The following TRPM3 variants were observed in gnomAD, a reference collection of about 807,000 sequenced individuals.
TRPM3 encodes transient receptor potential cation channel subfamily M member 3.
In TRPM3, 77 loss-of-function variants were observed where a neutral mutation model predicts 181.2. The ratio of observed to expected loss-of-function variants is 0.42; its 90% CI spans 0.35 to 0.51. TRPM3 has a LOEUF of 0.51. Among genes scored for constraint, TRPM3 ranks in the 20% least tolerant of loss-of-function variants. The pLI is 0.01. For synonymous variants in TRPM3, 745 were observed against 796.4 expected (o/e 0.94, Z 1.09); for missense variants, 1,759 against 2,196.7 (o/e 0.80, Z 3.98).
intron 8 of TRPM3, among the ~76,000 whole-genome samples, chr9:70,745,657 T>A (rs1330978714): frequency 6.6e-6 from 1 of 152,190 alleles, no homozygotes; most frequent in Non-Finnish European, 1.5e-5. Flanking sequence ...TGTAAAAAAG[T>A]CCCTTCCCAT....
At chr9:71,222,171 CTGAA>C (rs2080282433) in intron 1 of TRPM3, among the ~76,000 whole-genome samples, 1 of 152,162 alleles carries the variant, frequency 6.6e-6, no homozygotes, top group South Asian at 2.1e-4. Context: ...AAATGACTGA[CTGAA>C]TGAATGACTA....
In TRPM3 at chr9:71,041,208, T is replaced by C. The variant is rs143009318; in HGVS notation, c.177+79970A>G. On this transcript the variant is annotated intron_variant, in intron 1 of 25. Transcript: ENST00000677713. ...AGTACAGAAGGAAATTGGGTGTGCA[T>C]GTATGATGTATGTGTAGAGAGAGAG... Among the ~76,000 whole-genome samples the C allele has an allele frequency of 5.0e-3, 757 of 152,088 alleles. 19 individuals carry two copies. In the East Asian group the frequency reaches 0.078, roughly 16 times the overall value.
At chr9:70,820,935 C>A (rs62547570) in intron 6 of TRPM3, among the ~76,000 whole-genome samples, 4,380 of 152,192 alleles carry the variant, frequency 0.029, 89 homozygotes, top group Middle Eastern at 0.058. Context: ...TCTCTTTAAA[C>A]CCTTAAAAGA....
chr9:70,596,071 A>G (rs1486105092), intron 21 of TRPM3, among the ~76,000 whole-genome samples: 1 of 152,212 alleles, frequency 6.6e-6, no homozygotes, highest in Non-Finnish European at 1.5e-5. Flanking sequence ...CAATTTGAAC[A>G]TAATGATAAC....
intron 1 of TRPM3, among the ~76,000 whole-genome samples, chr9:71,234,112 A>G (rs1301032614): frequency 6.6e-6 from 1 of 152,214 alleles, no homozygotes; most frequent in Non-Finnish European, 1.5e-5. Flanking sequence ...GCAGAGGGAC[A>G]GTGCCTACTC....
At chr9:70,804,787 C>T (rs2090252755) in intron 6 of TRPM3, among the ~76,000 whole-genome samples, 2 of 152,140 alleles carry the variant, frequency 1.3e-5, no homozygotes, top group Admixed American at 1.3e-4. Context: ...TCTGCCTTCT[C>T]TTCTTTCTAT....
intron 19 of TRPM3, among the ~76,000 whole-genome samples, chr9:70,604,689 G>A (rs946752661): frequency 8.5e-5 from 13 of 152,174 alleles, no homozygotes; most frequent in Non-Finnish European, 4.4e-5. Flanking sequence ...CGTCACCCAG[G>A]CTGGAGTGCA....
chr9:71,201,246 G>A (rs907066568), intron 1 of TRPM3, among the ~76,000 whole-genome samples: 4 of 152,120 alleles, frequency 2.6e-5, no homozygotes, highest in African/African-American at 7.2e-5. Context: ...GACATCTGCT[G>A]TTAGTCTGAT....
At chr9:70,896,081 TAA>T (rs1649489310) in intron 1 of TRPM3, among the ~76,000 whole-genome samples, 1 of 152,182 alleles carries the variant, frequency 6.6e-6, no homozygotes, top group African/African-American at 2.4e-5. Flanking sequence ...CATTAGAGAT[TAA>T]GAGTACTTTT....
intron 1 of TRPM3, among the ~76,000 whole-genome samples, chr9:70,967,742 A>G (rs1267822045): frequency 6.6e-6 from 1 of 152,086 alleles, no homozygotes; most frequent in Non-Finnish European, 1.5e-5. Context: ...TAGCATCATT[A>G]TGATGTGAAT....
At chr9:71,322,632 T>C (rs1243175240) in intron 1 of TRPM3, among the ~76,000 whole-genome samples, 2 of 152,094 alleles carry the variant, frequency 1.3e-5, no homozygotes, top group African/African-American at 2.4e-5. Flanking sequence ...TTCCAACTCA[T>C]ATTTTATGGT....
At position 70,906,396 on chromosome 9, in the gene TRPM3, G is replaced by A. The variant is rs2993016; in HGVS notation, c.178-41885C>T. The stretch of plus-strand genomic sequence containing the variant: ...GAATGTTCCCTCACTGGGCCTGAGC[G>A]CTGAAAGAGAGGGCCGAAATCAAAG... On this transcript the variant is annotated intron_variant, in intron 1 of 25. Transcript: ENST00000677713. Among the ~76,000 whole-genome samples the A allele has an allele frequency of 4.6e-3, 698 of 152,234 alleles. 10 individuals are homozygous for A. Among genetic ancestry groups the A allele is most frequent in the African/African-American group, 0.016 (660 of 41,542 alleles).
chr9:70,563,590 T>G (rs2049726382), intron 22 of TRPM3, among the ~76,000 whole-genome samples: 1 of 152,116 alleles, frequency 6.6e-6, no homozygotes, highest in African/African-American at 2.4e-5. Flanking sequence ...ACTCTTTGTG[T>G]TTAGAAATAA....
chr9:71,199,658 C>A (rs1215835062), intron 1 of TRPM3, among the ~76,000 whole-genome samples: 2 of 152,006 alleles, frequency 1.3e-5, no homozygotes, highest in African/African-American at 2.4e-5. Context: ...AGTTTATTTG[C>A]GTAGAGGTGT....
chr9:71,335,139 T>C (rs2090464508), intron 1 of TRPM3, among the ~76,000 whole-genome samples: 5 of 152,096 alleles, frequency 3.3e-5, no homozygotes, highest in Admixed American at 3.3e-4. Context: ...TTTAATGAAG[T>C]GAAAGTATGT....
At chr9:71,358,993 A>G (rs567501798) in intron 1 of TRPM3, among the ~76,000 whole-genome samples, 2 of 152,364 alleles carry the variant, frequency 1.3e-5, no homozygotes, top group South Asian at 2.1e-4. Flanking sequence ...TAAACTGAAC[A>G]TATATTAAGA....
At chr9:70,842,007 C>T (rs1180040603) in intron 5 of TRPM3, among the ~76,000 whole-genome samples, 6 of 151,924 alleles carry the variant, frequency 3.9e-5, no homozygotes, top group Non-Finnish European at 1.5e-5. Context: ...CACTAAAAGC[C>T]TAGATTTAAT....
chr9:71,117,722 A>C (rs745651660), intron 1 of TRPM3, among the ~76,000 whole-genome samples: 14 of 152,212 alleles, frequency 9.2e-5, no homozygotes, highest in Non-Finnish European at 1.9e-4. Context: ...TAAAGTGAGC[A>C]AACTCATATG....
At chr9:71,160,964 T>G (rs1011671215) in intron 1 of TRPM3, among the ~76,000 whole-genome samples, 1 of 152,162 alleles carries the variant, frequency 6.6e-6, no homozygotes, top group African/African-American at 2.4e-5. Context: ...CCCAATTCAA[T>G]GTAAATCAAT....
Sources: gnomAD v4.1 joint callset for allele counts (sites outside exome capture counted in the v4.1 genomes callset) on GRCh38, gnomAD v4.1.1 for gene constraint, MANE v1.5 for transcripts, NCBI Gene and HGNC (gene_info 2026-07-23, HGNC 2026-07-21) for gene names.